PATJ: variants seen among roughly 807,000 people sequenced by gnomAD.
PATJ encodes the protein PATJ crumbs cell polarity complex component, also known as inaD-like protein.
Under a neutral mutation model 224.9 loss-of-function variants are expected in PATJ, and 190 were observed. The ratio of observed to expected loss-of-function variants is 0.84; its 90% CI spans 0.75 to 0.95. The LOEUF (loss-of-function observed/expected upper bound fraction) is 0.95, where lower values mean the gene tolerates loss of function less well. Among genes scored for constraint, PATJ ranks in the 40% least tolerant of loss-of-function variants. PATJ has a pLI of 0.00. For synonymous variants in PATJ, 769 were observed against 820.3 expected (o/e 0.94, Z 1.07); for missense variants, 2,121 against 2,270.3 (o/e 0.93, Z 1.34).
At chr1:61,793,330 C>T (rs867132961) in intron 9 of PATJ, among the ~76,000 whole-genome samples, 7 of 152,092 alleles carry the variant, frequency 4.6e-5, no homozygotes, top group Admixed American at 2.6e-4. Context: ...ACAAAGAAGG[C>T]GGCATTTGAG....
chr1:61,923,169 G>C (rs923647413), intron 26 of PATJ, among the ~76,000 whole-genome samples: 1 of 152,218 alleles, frequency 6.6e-6, no homozygotes, highest in African/African-American at 2.4e-5. Context: ...CTGCGTTAAT[G>C]TGGCAACAGG....
chr1:62,025,462 G>C (rs573742653), intron 29 of PATJ, among the ~76,000 whole-genome samples: 1 of 152,166 alleles, frequency 6.6e-6, no homozygotes, highest in African/African-American at 2.4e-5. Flanking sequence ...TGAACGTTTA[G>C]GATTTGCCAG....
chr1:62,011,255 G>A (rs1156628825), intron 28 of PATJ, among the ~76,000 whole-genome samples: 4 of 152,326 alleles, frequency 2.6e-5, no homozygotes, highest in Non-Finnish European at 5.9e-5. Context: ...GCTTAGCTCA[G>A]CTTTTGACAT....
chr1:61,973,759 C>G (rs567538953), intron 27 of PATJ, among the ~76,000 whole-genome samples: 8 of 152,042 alleles, frequency 5.3e-5, no homozygotes, highest in Admixed American at 5.2e-4. Flanking sequence ...AAATATACAA[C>G]AAATGATTGT....
chr1:61,979,942 C>T (rs1324117873), intron 27 of PATJ, among the ~76,000 whole-genome samples: 1 of 151,986 alleles, frequency 6.6e-6, no homozygotes, highest in African/African-American at 2.4e-5. Flanking sequence ...ATAGGCAGGG[C>T]ACCTCTGTAA....
intron 19 of PATJ, among the ~76,000 whole-genome samples, chr1:61,862,936 A>G (rs1664840699): frequency 6.6e-6 from 1 of 151,488 alleles, no homozygotes; most frequent in African/African-American, 2.4e-5. Context: ...TTTAGTGCCG[A>G]CATTTTAAAA....
intron 6 of PATJ, among the ~76,000 whole-genome samples, chr1:61,773,214 G>A (rs1646717671): frequency 6.6e-6 from 1 of 151,934 alleles, no homozygotes; most frequent in African/African-American, 2.4e-5. Context: ...GGTAGAGATG[G>A]GGTTTCACCA....
intron 21 of PATJ, among the ~76,000 whole-genome samples, chr1:61,879,492 C>G (rs985092231): frequency 6.6e-6 from 1 of 152,098 alleles, no homozygotes; most frequent in Non-Finnish European, 1.5e-5. Context: ...AACCTAACTG[C>G]CCACTTCTAA....
chr1:62,112,630 C>A (rs772703498), intron 34 of PATJ, among the ~76,000 whole-genome samples: 18 of 152,212 alleles, frequency 1.2e-4, no homozygotes, highest in Non-Finnish European at 2.2e-4. Flanking sequence ...ATGGAACTGA[C>A]ATCTTGGGGG....
chr1:62,148,413 G>C (rs777324457), intron 42 of PATJ, 23 bp downstream of exon 42: 17 of 1,511,636 alleles, frequency 1.1e-5, no homozygotes, highest in Non-Finnish European at 1.5e-5. Flanking sequence ...GATGCAGAGG[G>C]CCTATTATGC....
chr1:61,873,809 G>T (rs1218115020), intron 20 of PATJ, among the ~76,000 whole-genome samples: 1 of 152,220 alleles, frequency 6.6e-6, no homozygotes, highest in African/African-American at 2.4e-5. Context: ...CAGCAGGCTG[G>T]AGACCCATGC....
At chr1:61,956,723 T>A (rs1248102036) in intron 27 of PATJ, among the ~76,000 whole-genome samples, 1 of 152,214 alleles carries the variant, frequency 6.6e-6, no homozygotes, top group Non-Finnish European at 1.5e-5. Context: ...CATGAAGTCT[T>A]TGAAAACAGC....
intron 39 of PATJ, among the ~76,000 whole-genome samples, chr1:62,124,489 C>T (rs889944290): frequency 1.3e-5 from 2 of 152,220 alleles, no homozygotes; most frequent in Non-Finnish European, 2.9e-5. Flanking sequence ...TGATATCCAG[C>T]ATAACTTACT....
chr1:61,771,160 TG>T (rs1646583193), intron 5 of PATJ, among the ~76,000 whole-genome samples: 1 of 152,074 alleles, frequency 6.6e-6, no homozygotes, highest in South Asian at 2.1e-4. Flanking sequence ...ACCTTGGCGG[TG>T]GGGTCCTATA....
chr1:61,795,434 T>A, intron 9 of PATJ, 33 bp from the exon 10 acceptor site: 1 of 1,356,352 alleles, frequency 7.4e-7, no homozygotes, highest in Non-Finnish European at 1.0e-6. Context: ...ATTAGAATTT[T>A]CTTCCTTTTT....
chr1:61,743,236 G>C (rs1426126918), intron 1 of PATJ, among the ~76,000 whole-genome samples: 1 of 152,212 alleles, frequency 6.6e-6, no homozygotes, highest in African/African-American at 2.4e-5. Context: ...TCCAGCCTTA[G>C]GGGAAATTCC....
In PATJ at chr1:62,014,562, CTTTTT is replaced by C. The variant is rs35711547; in HGVS notation, c.3868-3276_3868-3272del. Among the ~76,000 whole-genome samples, 405 of 84,556 alleles carry C rather than the reference CTTTTT, an allele frequency of 4.8e-3. 1 individual carries two copies. The highest frequency in any genetic ancestry group is 5.7e-3 in the Non-Finnish European group (261 of 45,720). The allele number at this position is 84,556 out of a possible 152,430, so 55.5% of individuals were successfully genotyped here. On this transcript the variant is annotated intron_variant, in intron 28 of 43. Transcript: ENST00000642238. ...TTTTAAAGACGATTTCTTTTCTTTC[CTTTTT>C]TTTTTTTTTTTTTTTTTGACACAGG...
intron 27 of PATJ, among the ~76,000 whole-genome samples, chr1:61,947,068 C>T (rs1678844200): frequency 2.6e-5 from 4 of 152,118 alleles, no homozygotes; most frequent in Admixed American, 2.6e-4. Flanking sequence ...GGATGTATCT[C>T]AAAATAATAA....
chr1:61,788,826 C>T (rs1313833548), intron 8 of PATJ, among the ~76,000 whole-genome samples: 4 of 152,064 alleles, frequency 2.6e-5, no homozygotes, highest in Non-Finnish European at 5.9e-5. Flanking sequence ...AGACATGCAC[C>T]ACCACGCCTG....
Sources: gnomAD v4.1 joint callset for allele counts (sites outside exome capture counted in the v4.1 genomes callset) on GRCh38, gnomAD v4.1.1 for gene constraint, MANE v1.5 for transcripts, NCBI Gene and HGNC (gene_info 2026-07-23, HGNC 2026-07-21) for gene names.